Variants in SPHKAP observed in about 807,000 individuals in gnomAD.
The protein encoded by SPHKAP is A-kinase anchor protein SPHKAP.
A neutral mutation model predicts 137.5 loss-of-function variants in SPHKAP; 67 were observed. The ratio of observed to expected loss-of-function variants is 0.49; its 90% CI spans 0.40 to 0.60. The LOEUF is 0.60. Ranked by LOEUF, SPHKAP falls within the 20% of genes least tolerant of loss-of-function variation. The pLI is 0.00. For missense variants in SPHKAP, 2,097 were observed against 2,069.3 expected (o/e 1.01, Z -0.26); for synonymous variants, 813 against 785.3 (o/e 1.04, Z -0.59).
At chr2:228,145,654 T>C (rs993480659) in intron 1 of SPHKAP, among the ~76,000 whole-genome samples, 3 of 152,126 alleles carry the variant, frequency 2.0e-5, no homozygotes, top group Non-Finnish European at 4.4e-5. Flanking sequence ...TTGTTAGGTA[T>C]TAAAAAATTA....
At chr2:228,159,105 G>A (rs6723112) in intron 1 of SPHKAP, among the ~76,000 whole-genome samples, 1 of 151,982 alleles carries the variant, frequency 6.6e-6, no homozygotes, top group African/African-American at 2.4e-5. Context: ...ATCCTCTCCC[G>A]ACTCTGAGCT....
chr2:227,983,863 T>C (rs1693101776), intron 11 of SPHKAP, among the ~76,000 whole-genome samples: 1 of 151,842 alleles, frequency 6.6e-6, no homozygotes, highest in Non-Finnish European at 1.5e-5. Flanking sequence ...AGCAGCAAAA[T>C]AAAAGCTGGT....
At chr2:228,171,196 T>G (rs6707854) in intron 1 of SPHKAP, among the ~76,000 whole-genome samples, 4,076 of 152,270 alleles carry the variant, frequency 0.027, 185 homozygotes, top group African/African-American at 0.093. Flanking sequence ...TTATTATTAT[T>G]ATTTTTAGTA....
intron 3 of SPHKAP, among the ~76,000 whole-genome samples, chr2:228,030,186 C>T (rs1695228339): frequency 6.6e-6 from 1 of 152,230 alleles, no homozygotes; most frequent in African/African-American, 2.4e-5. Flanking sequence ...TTCTTAAGGC[C>T]TGATGTGCAT....
At chr2:228,066,184 A>G (rs574909093) in intron 3 of SPHKAP, among the ~76,000 whole-genome samples, 12 of 152,322 alleles carry the variant, frequency 7.9e-5, no homozygotes, top group East Asian at 3.9e-4. Flanking sequence ...TAATTATACA[A>G]TGGAATAAGT....
chr2:228,088,852 C>T (rs933337884), intron 3 of SPHKAP, among the ~76,000 whole-genome samples: 1 of 152,160 alleles, frequency 6.6e-6, no homozygotes, highest in Non-Finnish European at 1.5e-5. Flanking sequence ...ATACCAGGGC[C>T]ATGCTTCCTG....
intron 1 of SPHKAP, among the ~76,000 whole-genome samples, chr2:228,136,362 T>G (rs537735191): frequency 1.2e-4 from 19 of 152,328 alleles, no homozygotes; most frequent in Non-Finnish European, 2.4e-4. Context: ...AAACCAAATT[T>G]GAAGTAGTGA....
chr2:228,168,566 G>A (rs1253726457), intron 1 of SPHKAP, among the ~76,000 whole-genome samples: 2 of 152,148 alleles, frequency 1.3e-5, no homozygotes, highest in East Asian at 3.8e-4. Flanking sequence ...ATACAAGAAG[G>A]CAAACTTAAT....
chr2:228,069,968 A>T (rs1281006981), intron 3 of SPHKAP, among the ~76,000 whole-genome samples: 2 of 152,122 alleles, frequency 1.3e-5, no homozygotes, highest in Admixed American at 6.5e-5. Context: ...GATCAGGAAC[A>T]CGTGATTGGG....
chr2:228,115,762 C>T (rs947400391), intron 2 of SPHKAP, among the ~76,000 whole-genome samples: 2 of 152,062 alleles, frequency 1.3e-5, no homozygotes, highest in African/African-American at 4.8e-5. Context: ...AAACATAGTG[C>T]AGTGATAGGG....
At chr2:228,001,335 AT>A (rs1693863128) in intron 7 of SPHKAP, among the ~76,000 whole-genome samples, 1 of 143,656 alleles carries the variant, frequency 7.0e-6, no homozygotes, top group Non-Finnish European at 1.5e-5. Context: ...ATATACATAT[AT>A]AAATATATAT....
intron 3 of SPHKAP, among the ~76,000 whole-genome samples, chr2:228,066,099 T>A (rs1445902047): frequency 6.6e-6 from 1 of 152,130 alleles, no homozygotes; most frequent in Admixed American, 6.5e-5. Context: ...TTTAATTATG[T>A]CCTTAGAGAC....
At chr2:228,008,381 C>G (rs1458987364) in intron 7 of SPHKAP, among the ~76,000 whole-genome samples, 1 of 151,276 alleles carries the variant, frequency 6.6e-6, no homozygotes, top group Non-Finnish European at 1.5e-5. Flanking sequence ...ACTGCAAACT[C>G]TACCTCTCAG....
At chr2:228,078,271 G>T (rs1265018382) in intron 3 of SPHKAP, among the ~76,000 whole-genome samples, 1 of 152,044 alleles carries the variant, frequency 6.6e-6, no homozygotes, top group African/African-American at 2.4e-5. Flanking sequence ...AGATTCCTCA[G>T]ATTTAGCAAG....
At chr2:228,092,928 G>A (rs1269766897) in intron 3 of SPHKAP, among the ~76,000 whole-genome samples, 1 of 152,000 alleles carries the variant, frequency 6.6e-6, no homozygotes, top group African/African-American at 2.4e-5. Context: ...AACAGGTTGA[G>A]GGATAAGAGA....
intron 11 of SPHKAP, 181 bp downstream of exon 11, chr2:227,990,819 A>G: frequency 1.6e-6 from 1 of 635,688 alleles, no homozygotes; most frequent in Middle Eastern, 4.4e-4. Context: ...GGATCAAAGA[A>G]ACGCTAAGTA....
intron 3 of SPHKAP, among the ~76,000 whole-genome samples, chr2:228,099,786 T>A (rs1204806516): frequency 6.6e-6 from 1 of 152,108 alleles, no homozygotes; most frequent in Non-Finnish European, 1.5e-5. Context: ...TGTTTGTGTG[T>A]GTGTGTTGTG....
intron 7 of SPHKAP, among the ~76,000 whole-genome samples, chr2:228,000,782 T>G (rs914691210): frequency 1.8e-4 from 28 of 152,198 alleles, no homozygotes; most frequent in African/African-American, 5.5e-4. Flanking sequence ...ATTTATCCAT[T>G]TACCTACTGA....
At position 228,018,587 on chromosome 2, in the gene SPHKAP, G is replaced by A. The variant is rs575237129; in HGVS notation, c.2267C>T (p.Pro756Leu). ...TTTTGTCCAAGCTTGACTAGCACCC[G>A]GATCAGATGGCTGGCAGCTTGGTTC... ...ETEPSCQPSD[P>L]GASQAWTKAT... is the part of the protein sequence containing the mutation. The change falls in exon 7 of 12, where the codon CCG (proline) becomes CTG (leucine). Residue 756 changes from proline (P) to leucine (L), a missense_variant. Transcript: ENST00000392056. 47 of 1,613,886 alleles carry A rather than the reference G, an allele frequency of 2.9e-5. No individual in the cohort carries two copies. The highest frequency in any genetic ancestry group is 1.2e-4 in the South Asian group (11 of 91,022).
Sources: gnomAD v4.1 joint callset for allele counts (sites outside exome capture counted in the v4.1 genomes callset) on GRCh38, gnomAD v4.1.1 for gene constraint, MANE v1.5 for transcripts, NCBI Gene and HGNC (gene_info 2026-07-23, HGNC 2026-07-21) for gene names.